Variants in TRIM5 observed in about 807,000 individuals in gnomAD.
TRIM5 encodes tripartite motif containing 5.
Under a neutral mutation model 35.6 loss-of-function variants are expected in TRIM5, and 31 were observed. The observed-to-expected ratio is 0.87, with a 90% confidence interval of 0.65 to 1.18. The LOEUF is 1.18. Ranked by LOEUF, TRIM5 falls within the 50% of genes most tolerant of loss-of-function variation. The pLI is 0.00. For synonymous variants in TRIM5, 243 were observed against 215.6 expected (o/e 1.13, Z -1.11); for missense variants, 609 against 591.6 (o/e 1.03, Z -0.31).
At chr11:5,620,645 A>T in the TRIM5 span, among the ~76,000 whole-genome samples, 1 of 151,010 alleles carries the variant, frequency 6.6e-6, no homozygotes, top group Non-Finnish European at 1.5e-5. Flanking sequence ...CTGCCCAGCT[A>T]AGTCTCCATT....
the TRIM5 span, among the ~76,000 whole-genome samples, chr11:5,617,981 T>A: frequency 2.0e-5 from 3 of 148,010 alleles, no homozygotes; most frequent in East Asian, 3.9e-4. Context: ...TTTCTGTCTG[T>A]TAGAAATCTG....
intron 1 of TRIM5, chr11:5,684,039 A>T (rs1405160384): frequency 6.5e-6 from 1 of 154,208 alleles, no homozygotes; most frequent in Non-Finnish European, 1.4e-5. Flanking sequence ...ACCCACCAGA[A>T]AGAAGAAACT....
At chr11:5,670,644 G>T (rs1851517438) in intron 4 of TRIM5, among the ~76,000 whole-genome samples, 2 of 152,166 alleles carry the variant, frequency 1.3e-5, no homozygotes, top group African/African-American at 4.8e-5. Context: ...TTTTTAAACA[G>T]CCTTAACTTT....
chr11:5,589,247 T>A, the TRIM5 span: 1 of 151,854 alleles, frequency 6.6e-6, no homozygotes, highest in Non-Finnish European at 1.5e-5. Context: ...TTATGAAAGA[T>A]TTTAAAATAA....
At chr11:5,645,877 AAAAAT>A in the TRIM5 span, 2 of 144,310 alleles carry the variant, frequency 1.4e-5, no homozygotes, top group Non-Finnish European at 1.3e-5. Flanking sequence ...GAAAAAAAAA[AAAAAT>A]ATATATATAT....
the TRIM5 span, chr11:5,632,145 C>T: frequency 1.4e-6 from 2 of 1,456,596 alleles, no homozygotes; most frequent in Non-Finnish European, 1.8e-6. Context: ...TTCTCTTCCT[C>T]ATCTTCTTTG....
the TRIM5 span, chr11:5,634,530 C>CACACACACACACAT: frequency 3.1e-5 from 8 of 262,026 alleles, no homozygotes; most frequent in African/African-American, 9.9e-5. Context: ...CACACACACA[C>CACACACACACACAT]ATATATATAT....
chr11:5,642,944 A>T, the TRIM5 span: 1 of 1,502,662 alleles, frequency 6.7e-7, no homozygotes, highest in Non-Finnish European at 9.0e-7. Flanking sequence ...CATTCTCAGC[A>T]CCTCCCAAAA....
Position 5,664,435 on chromosome 11 carries a change from A to G in TRIM5, c.*374T>C, listed in dbSNP as rs1850973682. 1 of 1,013,874 alleles carries G rather than the reference A, an allele frequency of 9.9e-7. No homozygotes were observed. Among genetic ancestry groups the G allele is most frequent in the Non-Finnish European group, 1.2e-6 (1 of 846,670 alleles). The allele number at this position is 1,013,874 out of a possible 1,614,324, so 62.8% of individuals were successfully genotyped here. A position where few individuals can be genotyped will look rare whatever the true frequency, so the allele number is the denominator to read the frequency against. On this transcript the variant is annotated 3_prime_UTR_variant, in exon 8 of 8. Transcript: ENST00000380034. ...CTAAGGACTCATTCATTGGTGAACAATTATCACACGATGATATAGAAAGGC... is the reference window on the plus strand; with the variant it reads ...CTAAGGACTCATTCATTGGTGAACAGTTATCACACGATGATATAGAAAGGC...
chr11:5,603,320 C>T, the TRIM5 span: 77 of 1,613,972 alleles, frequency 4.8e-5, no homozygotes, highest in Non-Finnish European at 6.4e-5. Context: ...ACAATGACTT[C>T]ACCAGTACTG....
chr11:5,635,949 A>G, the TRIM5 span, among the ~76,000 whole-genome samples: 10 of 152,266 alleles, frequency 6.6e-5, no homozygotes, highest in Admixed American at 2.6e-4. Flanking sequence ...GATGTAAAAT[A>G]GTAAAGCTAC....
chr11:5,682,685 C>T (rs1479410995), intron 1 of TRIM5, among the ~76,000 whole-genome samples: 1 of 152,144 alleles, frequency 6.6e-6, no homozygotes, highest in Non-Finnish European at 1.5e-5. Context: ...ATTAACATAT[C>T]ACTAGAGTGT....
the TRIM5 span, among the ~76,000 whole-genome samples, chr11:5,607,118 G>C: frequency 2.0e-5 from 3 of 152,146 alleles, no homozygotes; most frequent in Non-Finnish European, 4.4e-5. Context: ...GCAGGAGAAT[G>C]GCGCGAACCC....
chr11:5,643,536 C>T, the TRIM5 span: 38 of 1,614,008 alleles, frequency 2.4e-5, 2 homozygotes, highest in African/African-American at 1.1e-4. Flanking sequence ...GCCTCCCTGC[C>T]GTGTTGGGGT....
At chr11:5,615,938 T>C in the TRIM5 span, among the ~76,000 whole-genome samples, 1 of 149,366 alleles carries the variant, frequency 6.7e-6, no homozygotes, top group Admixed American at 6.7e-5. Context: ...TTTTCATTTT[T>C]TTTTTTTTTT....
At position 5,664,883 on chromosome 11, in the gene TRIM5, A is replaced by G. The variant is rs141416728; in HGVS notation, c.1408T>C (p.Ser470Pro). 6.0e-4 allele frequency: 965 copies of G among 1,613,976 alleles called. 3 individuals carry two copies. Among genetic ancestry groups the G allele is most frequent in the Non-Finnish European group, 6.9e-4 (815 of 1,179,978 alleles). ...TTTAAATATGGAAATACAGGCTGAG[A>G]AAAAGAACAGTGAGAAAACTTATAG... ...LIYKFSHCSF[S>P]QPVFPYLNPR... Residue 470 changes from serine (S) to proline (P), a missense_variant, in exon 8 of 8, where the codon TCT (serine) becomes CCT (proline). Physicochemically the swap from Ser to Pro is moderately conservative, Grantham distance 74. Transcript: ENST00000380034.
the TRIM5 span, chr11:5,610,956 G>A: frequency 6.2e-7 from 1 of 1,614,054 alleles, no homozygotes; most frequent in Non-Finnish European, 8.5e-7. Flanking sequence ...GGAGGTAGAT[G>A]TGGCCAAGAA....
chr11:5,680,733 T>A (rs554839284), intron 1 of TRIM5, among the ~76,000 whole-genome samples: 2 of 152,368 alleles, frequency 1.3e-5, no homozygotes, highest in African/African-American at 4.8e-5. Flanking sequence ...TCTGACTACC[T>A]TATGTGCAGT....
chr11:5,591,877 C>A, the TRIM5 span, among the ~76,000 whole-genome samples: 1 of 149,970 alleles, frequency 6.7e-6, no homozygotes, highest in Non-Finnish European at 1.5e-5. Context: ...CATGTTCAGG[C>A]TATGTGACCT....
Sources: gnomAD v4.1 joint callset for allele counts (sites outside exome capture counted in the v4.1 genomes callset) on GRCh38, gnomAD v4.1.1 for gene constraint, MANE v1.5 for transcripts, NCBI Gene and HGNC (gene_info 2026-07-23, HGNC 2026-07-21) for gene names.